Variants in COL4A4 observed in about 807,000 individuals in gnomAD.
The protein encoded by COL4A4 is collagen type IV alpha 4 chain, also known as collagen alpha-4(IV) chain.
In COL4A4, 105 loss-of-function variants were observed where a neutral mutation model predicts 192.9. That is an observed-to-expected ratio of 0.54 (90% CI 0.46 to 0.64). COL4A4 has a LOEUF of 0.64. Ranked by LOEUF, COL4A4 falls within the 30% of genes least tolerant of loss-of-function variation. COL4A4 has a pLI of 0.00. For missense variants in COL4A4, 1,967 were observed against 2,169.3 expected (o/e 0.91, Z 1.85); for synonymous variants, 762 against 769.9 (o/e 0.99, Z 0.17).
chr2:227,050,516 T>A (rs1245270793), intron 33 of COL4A4, among the ~76,000 whole-genome samples: 2 of 152,242 alleles, frequency 1.3e-5, no homozygotes, highest in Non-Finnish European at 2.9e-5. Flanking sequence ...GAGTTACGTG[T>A]TTTCCAGAAG....
In COL4A4 at chr2:227,072,594, C is replaced by A. The variant is rs1171206878; in HGVS notation, c.1987+5300G>T. On this transcript the variant is annotated intron_variant, in intron 25 of 47. Coordinates refer to ENST00000396625, the MANE Select transcript of COL4A4 (RefSeq NM_000092.5). ...CCTGATACCAACACAGGAAAAGATA[C>A]ACACACACACACACAAACTACAGAC... Among the ~76,000 whole-genome samples the A allele has an allele frequency of 2.0e-5, 3 of 150,438 alleles. No individual in the cohort carries two copies. The East Asian group carries it at 5.8e-4, about 29-fold the overall frequency.
rs752158015 is a variant in COL4A4 at position 227,108,533 on chromosome 2, GCA to G, written c.735+46_735+47del. On this transcript the variant is annotated intron_variant, in intron 12 of 47. Coordinates refer to ENST00000396625, the MANE Select transcript of COL4A4 (RefSeq NM_000092.5). ...TCAGAACAGCCTCCACCCCTGAGCA[GCA>G]CACACACGTCACCATCTGCTCCTCA... The G allele has an allele frequency of 1.9e-6, 3 of 1,571,758 alleles. No individual in the cohort carries two copies. The South Asian group carries it at 3.3e-5, about 17-fold the overall frequency.
At position 227,098,821 on chromosome 2, in the gene COL4A4, A is replaced by G. The variant is rs370262355; in HGVS notation, c.1100-23T>C. 47 of 1,562,858 alleles carry G rather than the reference A, an allele frequency of 3.0e-5. No homozygotes were observed. In the African/African-American group the frequency reaches 5.1e-4, roughly 17 times the overall value. ...GGCCTGCCAAAGATAATGGTACATGAGAATAAACAAATGGTATGTGCATTT... is the reference window on the plus strand; with the variant it reads ...GGCCTGCCAAAGATAATGGTACATGGGAATAAACAAATGGTATGTGCATTT... On this transcript the variant is annotated intron_variant, in intron 18 of 47. Transcript: ENST00000396625.
Position 227,117,818 on chromosome 2 carries a change from G to A in COL4A4, c.489+827C>T, listed in dbSNP as rs566803973. On this transcript the variant is annotated intron_variant, in intron 7 of 47. Transcript: ENST00000396625. Reference sequence around the variant, plus strand: ...CTGAAGAAAAAAAAAGCTAAGAGCCGTAAGTTTTCCCCCAAGTGCTGGATA... The same window carrying A: ...CTGAAGAAAAAAAAAGCTAAGAGCCATAAGTTTTCCCCCAAGTGCTGGATA... Among the ~76,000 whole-genome samples, 10 of 151,886 alleles carry A rather than the reference G, an allele frequency of 6.6e-5. No homozygotes were observed. The East Asian group carries it at 1.2e-3, about 18-fold the overall frequency.
rs1003143163 is a variant in COL4A4 at position 227,057,288 on chromosome 2, T to C, written c.2545+151A>G. 4 of 932,668 alleles carry C rather than the reference T, an allele frequency of 4.3e-6. No homozygotes were observed. In the African/African-American group the frequency reaches 6.6e-5, roughly 15 times the overall value. The allele number at this position is 932,668 out of a possible 1,614,324, so 57.8% of individuals were successfully genotyped here. A position where few individuals can be genotyped will look rare whatever the true frequency, so the allele number is the denominator to read the frequency against. On this transcript the variant is annotated intron_variant, in intron 29 of 47. Coordinates refer to ENST00000396625, the MANE Select transcript of COL4A4 (RefSeq NM_000092.5). ...GACTTGGGTGACATGGGGGAAGTGATGCAAACCAACATGAAACTCATGAGT... is the reference window on the plus strand; with the variant it reads ...GACTTGGGTGACATGGGGGAAGTGACGCAAACCAACATGAAACTCATGAGT...
rs1297596716 is a variant in COL4A4 at position 227,147,192 on chromosome 2, G to A, written c.71+221C>T. 4.5e-6 allele frequency: 3 copies of A among 671,366 alleles called. No individual in the cohort carries two copies. In the Admixed American group the frequency reaches 5.4e-5, roughly 12 times the overall value. The allele number at this position is 671,366 out of a possible 1,614,324, so 41.6% of individuals were successfully genotyped here. A position where few individuals can be genotyped will look rare whatever the true frequency, so the allele number is the denominator to read the frequency against. On this transcript the variant is annotated intron_variant, in intron 2 of 47. Transcript: ENST00000396625. ...GCAAGAATCTGGGGCCTTTCCTTGTGCAACTTCCCATTTGGTGATTTTGTG... is the reference window on the plus strand; with the variant it reads ...GCAAGAATCTGGGGCCTTTCCTTGTACAACTTCCCATTTGGTGATTTTGTG...
At chr2:227,017,005 G>A (rs1965027013) in intron 44 of COL4A4, among the ~76,000 whole-genome samples, 1 of 152,196 alleles carries the variant, frequency 6.6e-6, no homozygotes, top group Non-Finnish European at 1.5e-5. Context: ...GAGAGTATCA[G>A]TTATCTTGGA....
the COL4A4 span, chr2:226,969,095 C>T: frequency 5.0e-6 from 1 of 200,270 alleles, no homozygotes; most frequent in African/African-American, 2.3e-5. Context: ...CTCCACCAAC[C>T]AGAAGCTACT....
chr2:227,055,368 C>A (rs1034835402), intron 30 of COL4A4, among the ~76,000 whole-genome samples: 1 of 149,712 alleles, frequency 6.7e-6, no homozygotes, highest in African/African-American at 2.5e-5. Flanking sequence ...AAAAATTAGG[C>A]GTGGTGGCAC....
chr2:227,133,501 A>T, intron 4 of COL4A4, among the ~76,000 whole-genome samples: 1 of 152,208 alleles, frequency 6.6e-6, no homozygotes, highest in East Asian at 1.9e-4. Flanking sequence ...TGCTGCTGCT[A>T]CTTCTACCAC....
At position 227,118,251 on chromosome 2, in the gene COL4A4, TG is replaced by T. The variant is rs1268272321; in HGVS notation, c.489+393del. Among the ~76,000 whole-genome samples, 4 of 152,164 alleles carry T rather than the reference TG, an allele frequency of 2.6e-5. No homozygotes were observed. The East Asian group carries it at 7.7e-4, about 29-fold the overall frequency. On this transcript the variant is annotated intron_variant, in intron 7 of 47. Transcript: ENST00000396625. Reference sequence around the variant, plus strand: ...ATCCCTTTCTGTTCAAAATACCTAGTGGGGTTTGTTTCTGCAATTAACCCTG... The same window carrying T: ...ATCCCTTTCTGTTCAAAATACCTAGTGGGTTTGTTTCTGCAATTAACCCTG...
intron 45 of COL4A4, among the ~76,000 whole-genome samples, chr2:227,011,432 A>G (rs974242416): frequency 2.0e-5 from 3 of 152,176 alleles, no homozygotes; most frequent in African/African-American, 4.8e-5. Context: ...TCTGTAGACT[A>G]TAATTGGCTG....
intron 46 of COL4A4, 105 bp from the exon 47 acceptor site, chr2:227,008,409 T>G: frequency 7.6e-7 from 1 of 1,309,012 alleles, no homozygotes; most frequent in Non-Finnish European, 1.1e-6. Context: ...TTCTGAAATC[T>G]GGAGGCCCTC....
chr2:226,986,023 A>G, the COL4A4 span, among the ~76,000 whole-genome samples: 1 of 152,266 alleles, frequency 6.6e-6, no homozygotes, highest in Non-Finnish European at 1.5e-5. Context: ...AGTCATGTTG[A>G]CAGCACGTTG....
At chr2:226,974,246 T>TTTTAC in the COL4A4 span, among the ~76,000 whole-genome samples, 1 of 151,712 alleles carries the variant, frequency 6.6e-6, no homozygotes, top group African/African-American at 2.4e-5. Context: ...TTTTATTTTA[T>TTTTAC]TTTATTTTTG....
downstream of COL4A4, chr2:226,999,269 T>C (rs532615347): frequency 6.6e-6 from 1 of 152,310 alleles, no homozygotes; most frequent in African/African-American, 2.4e-5. Context: ...CTGGTGCTTA[T>C]TGATATCATT....
chr2:227,066,473 C>T (rs1182803739), intron 25 of COL4A4, among the ~76,000 whole-genome samples: 4 of 152,080 alleles, frequency 2.6e-5, no homozygotes, highest in Admixed American at 6.5e-5. Context: ...AGAGAAAGGT[C>T]GGGTTACCCT....
At chr2:227,118,482 A>C (rs2061604888) in intron 7 of COL4A4, among the ~76,000 whole-genome samples, 163 bp downstream of exon 7, 5 of 152,152 alleles carry the variant, frequency 3.3e-5, no homozygotes. Flanking sequence ...TGCATGTTCT[A>C]AGTCCTGCCT....
chr2:227,134,612 C>A (rs967920014), intron 4 of COL4A4, among the ~76,000 whole-genome samples: 1 of 152,170 alleles, frequency 6.6e-6, no homozygotes, highest in South Asian at 2.1e-4. Flanking sequence ...AAAATGTTAA[C>A]AGTAATTAAA....
Sources: gnomAD v4.1 joint callset for allele counts (sites outside exome capture counted in the v4.1 genomes callset) on GRCh38, gnomAD v4.1.1 for gene constraint, MANE v1.5 for transcripts, NCBI Gene and HGNC (gene_info 2026-07-23, HGNC 2026-07-21) for gene names.